The following RECQL4 variants were observed in gnomAD, a reference collection of about 807,000 sequenced individuals.
RECQL4 encodes the protein RecQ like helicase 4.
In RECQL4, 158 loss-of-function variants were observed where a neutral mutation model predicts 128.6. That is an observed-to-expected ratio of 1.23 (90% CI 1.08 to 1.40). The LOEUF is 1.40. RECQL4 is among the 40% of genes most tolerant of loss of function. The probability of loss-of-function intolerance (pLI) is 0.00; values close to 1 mark genes in which losing one functional copy is unlikely to be tolerated. For missense variants in RECQL4, 2,293 were observed against 1,649.8 expected, an observed-to-expected ratio of 1.39 and a Z score of -6.75; for synonymous variants, 996 against 678.9, an observed-to-expected ratio of 1.47 and a Z score of -7.26.
intron 4 of RECQL4, 91 bp from the exon 5 acceptor site, chr8:144,516,855 T>C: frequency 7.1e-7 from 1 of 1,399,886 alleles, no homozygotes; most frequent in Non-Finnish European, 9.6e-7. Flanking sequence ...CGCTCAATTG[T>C]AGAGCAGGCT....
chr8:144,511,958 G>A lies in RECQL4; in HGVS notation c.3346C>T (p.Pro1116Ser), dbSNP rs1827297434. 1 of 1,611,492 alleles carries A rather than the reference G, an allele frequency of 6.2e-7. No homozygotes were observed. The highest frequency in any genetic ancestry group is 8.5e-7 in the Non-Finnish European group (1 of 1,179,750). Residue 1116 changes from proline to serine, a missense_variant, in exon 19 of 21, where the codon CCG becomes TCG. Pro to Ser is a moderately conservative substitution (Grantham distance 74). Coordinates refer to ENST00000617875, the MANE Select transcript of RECQL4 (RefSeq NM_004260.4). The stretch of plus-strand genomic sequence containing the variant: ...CCCTGTGCGTCCTCCATGCCTCCCG[G>A]CTCCTGCCCTTCCTCTTCCTCAAAG... ...RYFEEEEGQE[P>S]GGMEDAQGPE...
chr8:144,516,937 C>T, intron 4 of RECQL4, 113 bp downstream of exon 4: 4 of 1,470,014 alleles, frequency 2.7e-6, no homozygotes, highest in Non-Finnish European at 3.7e-6. Flanking sequence ...AGACTCGTGC[C>T]CTGGTTGGCA....
chr8:144,512,209 G>A lies in RECQL4; in HGVS notation c.3171C>T (p.Gly1057=), dbSNP rs2130658692. The A allele has an allele frequency of 5.6e-6, 9 of 1,612,322 alleles. No homozygotes were observed. The highest frequency in any genetic ancestry group is 7.6e-6 in the Non-Finnish European group (9 of 1,179,752). The change falls in exon 18 of 21, where the codon GGC becomes GGT. Residue 1057 remains glycine, a synonymous_variant. Transcript: ENST00000617875. ...CCTGGCGCTCCCGGGCCTGCACACGGCCATAGAGGAAGTCACATATCTGGT... is the reference window on the plus strand; with the variant it reads ...CCTGGCGCTCCCGGGCCTGCACACGACCATAGAGGAAGTCACATATCTGGT... ...EKDQICDFLY[G]RVQARERQAL...
rs2130726753 is a variant in RECQL4, at chr8:144,516,572, G to T, written c.547C>A (p.Leu183Met). 1 of 1,609,884 alleles carries T rather than the reference G, an allele frequency of 6.2e-7. No homozygotes were observed. ...AACCAGCCAGGATCTAGGGAGCCCA[G>T]CCGCTGGCTCAGGGATGCCTGCAGA... ...QHLQASLSQR[L>M]GSLDPGWLQR... The change falls in exon 5 of 21, where the codon CTG (leucine) becomes ATG (methionine). Residue 183 changes from leucine (L) to methionine (M), a missense_variant. Coordinates refer to ENST00000617875, the MANE Select transcript of RECQL4 (RefSeq NM_004260.4).
chr8:144,513,283 G>A lies in RECQL4; in HGVS notation c.2398C>T (p.Gln800Ter), dbSNP rs1206089987. ...GLPPSFESYVQAVGRAGRDGQ... is the reference protein window; with the variant it reads ...GLPPSFESYV ...TCACGCCCGGCCCGGCCCACGGCCT[G>A]CACGTAGCTCTCGAAGCTTGGGGGC... Residue 800 changes from glutamine (Q) to a stop codon, truncating the protein, a stop_gained, in exon 14 of 21, where the codon CAG becomes TAG. Coordinates refer to ENST00000617875, the MANE Select transcript of RECQL4 (RefSeq NM_004260.4). LOFTEE classifies it high-confidence loss of function. 5.6e-6 allele frequency: 9 copies of A among 1,598,448 alleles called. No individual in the cohort carries two copies. The highest frequency in any genetic ancestry group is 2.2e-5 in the East Asian group (1 of 44,834).
In RECQL4 at chr8:144,517,197, G is replaced by A. The variant is rs1047492140; in HGVS notation, c.214-7C>T. ...AGCAGCGGGGCTCTGGCGCCTGCAG[G>A]AGACAACAGGGGCACAGGCCAGAAA... On this transcript the variant is annotated splice_region_variant and splice_polypyrimidine_tract_variant and intron_variant, in intron 3 of 20. Coordinates refer to ENST00000617875, the MANE Select transcript of RECQL4 (RefSeq NM_004260.4). 1.8e-5 allele frequency: 28 copies of A among 1,593,948 alleles called. No individual in the cohort carries two copies. Among genetic ancestry groups the A allele is most frequent in the Middle Eastern group, 1.9e-4 (1 of 5,268 alleles).
rs1469420440 is a variant in RECQL4 at position 144,516,332 on chromosome 8, T to C, written c.787A>G (p.Arg263Gly). Residue 263 changes from arginine to glycine, a missense_variant, in exon 5 of 21, where the codon AGA becomes GGA. Physicochemically the swap from Arg to Gly is moderately radical, Grantham distance 125 (BLOSUM62 -2). Coordinates refer to ENST00000617875, the MANE Select transcript of RECQL4 (RefSeq NM_004260.4). Reference protein sequence around the residue: ...QPSSSGGEKRRWNEEPWESPA... With the variant: ...QPSSSGGEKRGWNEEPWESPA... Reference sequence around the variant, plus strand: ...CTCTCCCAGGGCTCCTCGTTCCATCTCCGCTTCTCGCCTCCACTGCTGCTG... The same window carrying C: ...CTCTCCCAGGGCTCCTCGTTCCATCCCCGCTTCTCGCCTCCACTGCTGCTG... 1 of 1,609,670 alleles carries C rather than the reference T, an allele frequency of 6.2e-7. No individual in the cohort carries two copies.
rs2130694021 is a variant in RECQL4, at chr8:144,514,181, T to A, written c.1878+8A>T. ...CTGGCCGCCCACCCCAGTTCACATA[T>A]GGCTCACCTTGCAGACGCGCAGGTA... is the stretch of plus-strand genomic sequence containing the variant. On this transcript the variant is annotated splice_region_variant and intron_variant, in intron 11 of 20. Coordinates refer to ENST00000617875, the MANE Select transcript of RECQL4 (RefSeq NM_004260.4). 6.2e-7 allele frequency: 1 copy of A among 1,611,950 alleles called. No homozygotes were observed. Among genetic ancestry groups the A allele is most frequent in the Non-Finnish European group, 8.5e-7 (1 of 1,179,608 alleles).
chr8:144,516,189 G>C lies in RECQL4; in HGVS notation c.930C>G (p.Pro310=), dbSNP rs751163976. ...ACCTGGGGTTCGATGGGCTGCTGCA[G>C]GGCTGAGGTGGCTGTGCCTGTACAG... ...GEPVQAQPPQ[P]CSSPSNPRYH... The change falls in exon 5 of 21, where the codon CCC becomes CCG. Residue 310 remains proline, a synonymous_variant. Transcript: ENST00000617875. The C allele has an allele frequency of 7.4e-6, 12 of 1,613,322 alleles. No individual in the cohort carries two copies. Among genetic ancestry groups the C allele is most frequent in the African/African-American group, 6.7e-5 (5 of 74,926 alleles).
At position 144,511,811 on chromosome 8, in the gene RECQL4, GC is replaced by G. The variant is rs75312128; in HGVS notation, c.3394-23del. ...GGAGCTGTGTGGACAGGCACATCAG[GC>G]TTCCTCTGAGCTCCCGTGGCACTGC... On this transcript the variant is annotated intron_variant, in intron 19 of 20. Coordinates refer to ENST00000617875, the MANE Select transcript of RECQL4 (RefSeq NM_004260.4). 106 of 1,611,758 alleles carry G rather than the reference GC, an allele frequency of 6.6e-5. No homozygotes were observed. The East Asian group carries it at 2.1e-3, about 33-fold the overall frequency.
intron 9 of RECQL4, 135 bp from the exon 10 acceptor site, chr8:144,514,660 G>A: frequency 5.0e-6 from 5 of 996,278 alleles, no homozygotes; most frequent in East Asian, 5.2e-5. Context: ...CTAGGGCTAA[G>A]GGTTTAGAGC....
Position 144,515,820 on chromosome 8 carries a change from T to C in RECQL4, c.1202A>G (p.Glu401Gly), listed in dbSNP as rs2130712857. 6.2e-7 allele frequency: 1 copy of C among 1,612,822 alleles called. No homozygotes were observed. ...GAACTGCTCGTTCAGGAAACAAGAC[T>C]CCTTGGTTGTGACTGTGGCACCACC... Reference protein sequence around the residue: ...GGGGATVTTKESCFLNEQFDH... With the variant: ...GGGGATVTTKGSCFLNEQFDH... The change falls in exon 6 of 21, where the codon GAG (glutamate) becomes GGG (glycine). Residue 401 changes from glutamate (E) to glycine (G), a missense_variant. Physicochemically the swap from Glu to Gly is moderately conservative, Grantham distance 98. Transcript: ENST00000617875.
rs560476442 is a variant in RECQL4, at chr8:144,512,315, C to G, written c.3065G>C (p.Arg1022Pro). 1 of 1,612,222 alleles carries G rather than the reference C, an allele frequency of 6.2e-7. No individual in the cohort carries two copies. The highest frequency in any genetic ancestry group is 8.5e-7 in the Non-Finnish European group (1 of 1,179,706). ...GAACTCCACAAGCACCCCTGTCCCA[C>G]GCCGCACACCTGCCGGAAAGCATGT... ...WDHEPRTGVR[R>P]GTGVLVEFSE... The change falls in exon 18 of 21, where the codon CGT becomes CCT. Residue 1022 changes from arginine (R) to proline (P), a missense_variant. Arg to Pro is a moderately radical substitution (Grantham distance 103, BLOSUM62 -2). Transcript: ENST00000617875.
Position 144,514,372 on chromosome 8 carries a change from G to A in RECQL4, c.1705-10C>T, listed in dbSNP as rs758453166. 1.9e-6 allele frequency: 3 copies of A among 1,599,514 alleles called. No individual in the cohort carries two copies. Among genetic ancestry groups the A allele is most frequent in the Non-Finnish European group, 2.6e-6 (3 of 1,170,616 alleles). ...CCTGGGCTGCCCGAATCTGAAGGCA[G>A]CAAGATCAGAGGCACAGCCCAGGTG... On this transcript the variant is annotated splice_polypyrimidine_tract_variant and intron_variant, in intron 10 of 20. Coordinates refer to ENST00000617875, the MANE Select transcript of RECQL4 (RefSeq NM_004260.4).
rs567678020 is a variant in RECQL4, at chr8:144,516,177, T to G, written c.942A>C (p.Pro314=). 3.7e-6 allele frequency: 6 copies of G among 1,613,412 alleles called. No homozygotes were observed. The African/African-American group carries it at 8.0e-5, about 22-fold the overall frequency. ...QAQPPQPCSS[P]SNPRYHGLSP... ...TGAGTCCGTGGTACCTGGGGTTCGA[T>G]GGGCTGCTGCAGGGCTGAGGTGGCT... is the stretch of plus-strand genomic sequence containing the variant. The change falls in exon 5 of 21, where the codon CCA becomes CCC. Residue 314 remains proline (P), a synonymous_variant. Coordinates refer to ENST00000617875, the MANE Select transcript of RECQL4 (RefSeq NM_004260.4).
At position 144,512,888 on chromosome 8, in the gene RECQL4, G is replaced by A. The variant is rs768797926; in HGVS notation, c.2714C>T (p.Pro905Leu). Residue 905 changes from proline (P) to leucine (L), a missense_variant, in exon 15 of 21, where the codon CCA (proline) becomes CTA (leucine). Pro to Leu is a moderately conservative substitution (Grantham distance 98, BLOSUM62 -3). Coordinates refer to ENST00000617875, the MANE Select transcript of RECQL4 (RefSeq NM_004260.4). The stretch of plus-strand genomic sequence containing the variant: ...CAAAGCCTGTACGGTAAGCTGTATT[G>A]GGAGTGCCCGCTCATGGCCCATGCA... The part of the protein sequence containing the change: ...RVCMGHERAL[P>L]IQLTVQALDM... 1.3e-6 allele frequency: 2 copies of A among 1,594,332 alleles called. No homozygotes were observed. The highest frequency in any genetic ancestry group is 1.7e-5 in the Admixed American group (1 of 57,352).
Position 144,514,128 on chromosome 8 carries a change from G to A in RECQL4, c.1879-21C>T, listed in dbSNP as rs755597542. 3.1e-6 allele frequency: 5 copies of A among 1,609,882 alleles called. No individual in the cohort carries two copies. In the Admixed American group the frequency reaches 5.0e-5, roughly 16 times the overall value. On this transcript the variant is annotated intron_variant, in intron 11 of 20. Transcript: ENST00000617875. Reference sequence around the variant, plus strand: ...AGCACCTGCACCAGAGGCGGCAGTGGTGTGAGGCCGCCCAGCCCATCCCGG... The same window carrying A: ...AGCACCTGCACCAGAGGCGGCAGTGATGTGAGGCCGCCCAGCCCATCCCGG...
rs750720279 is a variant in RECQL4 at position 144,515,347 on chromosome 8, C to A, written c.1369G>T (p.Gly457Trp). ...TCACCTGCCAACTGCCCTGAGGGCC[C>A]CAGGGAGTAGAGTGGCAGCACGGTG... ...DPTVLPLYSL[G>W]PSGQLAETPA... The change falls in exon 7 of 21, where the codon GGG (glycine) becomes TGG (tryptophan). Residue 457 changes from glycine to tryptophan, a missense_variant. Physicochemically the swap from Gly to Trp is radical, Grantham distance 184. Coordinates refer to ENST00000617875, the MANE Select transcript of RECQL4 (RefSeq NM_004260.4). 2.5e-6 allele frequency: 4 copies of A among 1,612,568 alleles called. No individual in the cohort carries two copies. The highest frequency in any genetic ancestry group is 3.4e-6 in the Non-Finnish European group (4 of 1,179,808).
rs547804165 is a variant in RECQL4 at position 144,513,530 on chromosome 8, A to G, written c.2200+41T>C. On this transcript the variant is annotated intron_variant, in intron 13 of 20. Transcript: ENST00000617875. ...CAGTGGGATGGGACCATGTGTGCCC[A>G]AGGTGGGTCCACGGGGACACCAGCT... 8.1e-6 allele frequency: 13 copies of G among 1,610,896 alleles called. No individual in the cohort carries two copies. In the African/African-American group the frequency reaches 1.3e-4, roughly 17 times the overall value.
Sources: allele counts gnomAD v4.1 joint callset, GRCh38; gene constraint gnomAD v4.1.1; transcripts MANE v1.5; gene names NCBI Gene and HGNC (gene_info 2026-07-23, HGNC 2026-07-21).